The following FAT1 variants were observed in gnomAD, a reference collection of about 807,000 sequenced individuals.
FAT1 encodes protocadherin Fat 1.
FAT1 carries 171 observed loss-of-function variants against 329.8 expected under a neutral mutation model. The ratio of observed to expected loss-of-function variants is 0.52; its 90% CI spans 0.46 to 0.59. The LOEUF is 0.59. FAT1 is among the 20% of genes least tolerant of loss of function. FAT1 has a pLI of 0.00. For missense variants in FAT1, 5,672 were observed against 5,774.4 expected, an observed-to-expected ratio of 0.98 and a Z score of 0.57; for synonymous variants, 2,233 against 2,228.6, an observed-to-expected ratio of 1.00 and a Z score of -0.06.
intron 1 of FAT1, among the ~76,000 whole-genome samples, chr4:186,710,728 C>A (rs534318626): frequency 6.6e-6 from 1 of 152,252 alleles, no homozygotes; most frequent in African/African-American, 2.4e-5. Context: ...TCACCCTGGG[C>A]CCCTCCATGA....
At chr4:186,712,041 T>C (rs534660042) in intron 1 of FAT1, among the ~76,000 whole-genome samples, 1 of 152,356 alleles carries the variant, frequency 6.6e-6, no homozygotes, top group African/African-American at 2.4e-5. Context: ...CAACAAAATA[T>C]TATACCAGGA....
At chr4:186,607,350 A>AATGG (rs1246185359) in intron 16 of FAT1, among the ~76,000 whole-genome samples, 8 of 151,986 alleles carry the variant, frequency 5.3e-5, no homozygotes, top group Non-Finnish European at 1.0e-4. Flanking sequence ...TGGATGGATG[A>AATGG]ATGGATGGAT....
rs1318464121 is a variant in FAT1 at position 186,598,097 on chromosome 4, G to A, written c.12132C>T (p.Tyr4044=). Residue 4044 remains tyrosine (Y), a synonymous_variant, in exon 23 of 27, where the codon TAC becomes TAT. Coordinates refer to ENST00000441802, the MANE Select transcript of FAT1 (RefSeq NM_005245.4). The part of the protein sequence containing the change: ...GGYYCKCSAL[Y]IGTHCEISVN... ...CGCTTATCTCACAGTGGGTCCCTAT[G>A]TACAAGGCACTGCATTTGCAGTAAT... 4 of 1,612,112 alleles carry A rather than the reference G, an allele frequency of 2.5e-6. No individual in the cohort carries two copies. Among genetic ancestry groups the A allele is most frequent in the Non-Finnish European group, 3.4e-6 (4 of 1,179,456 alleles).
chr4:186,649,412 G>GA (rs1741527707), intron 3 of FAT1, among the ~76,000 whole-genome samples: 1 of 152,186 alleles, frequency 6.6e-6, no homozygotes, highest in Non-Finnish European at 1.5e-5. Context: ...TACAACCCTG[G>GA]AAGCTGTGAG....
chr4:186,649,480 C>A (rs1441596647), intron 3 of FAT1, among the ~76,000 whole-genome samples: 2 of 152,070 alleles, frequency 1.3e-5, no homozygotes, highest in Non-Finnish European at 2.9e-5. Context: ...CAAGATGAGA[C>A]CACCTTGGAT....
intron 3 of FAT1, among the ~76,000 whole-genome samples, chr4:186,643,396 ATT>A (rs1199198196): frequency 3.9e-5 from 6 of 152,320 alleles, no homozygotes; most frequent in Middle Eastern, 3.4e-3. Context: ...TTCTTTCTAA[ATT>A]CACAACACTT....
At chr4:186,594,649 A>AGT (rs1473147955) in intron 26 of FAT1, among the ~76,000 whole-genome samples, 2 of 125,574 alleles carry the variant, frequency 1.6e-5, no homozygotes, top group Non-Finnish European at 1.6e-5. Flanking sequence ...TTAGGAATAG[A>AGT]GTGTGTATAT....
At chr4:186,645,290 T>G in intron 3 of FAT1, among the ~76,000 whole-genome samples, 1 of 147,442 alleles carries the variant, frequency 6.8e-6, no homozygotes, top group Non-Finnish European at 1.5e-5. Flanking sequence ...TAAACTAAAT[T>G]ATGACAGCTA....
Position 186,609,712 on chromosome 4 carries a change from G to A in FAT1, c.10068+89C>T, listed in dbSNP as rs1439803026. 14 of 865,870 alleles carry A rather than the reference G, an allele frequency of 1.6e-5. No homozygotes were observed. The Middle Eastern group carries it at 9.0e-4, about 56-fold the overall frequency. 53.6% of individuals were successfully genotyped at this position (865,870 alleles called of 1,614,324 possible). ...AATCTCCAAAATATTTACAAAGGCCGCTACAAAAACTAGATTGATTTTACT... is the reference window on the plus strand; with the variant it reads ...AATCTCCAAAATATTTACAAAGGCCACTACAAAAACTAGATTGATTTTACT... On this transcript the variant is annotated intron_variant, in intron 15 of 26. Coordinates refer to ENST00000441802, the MANE Select transcript of FAT1 (RefSeq NM_005245.4).
intron 1 of FAT1, among the ~76,000 whole-genome samples, chr4:186,720,543 C>T (rs1579511619): frequency 6.6e-6 from 1 of 152,182 alleles, no homozygotes; most frequent in African/African-American, 2.4e-5. Context: ...TTCACACTTC[C>T]CTCAGAACTC....
intron 2 of FAT1, among the ~76,000 whole-genome samples, chr4:186,702,659 T>C (rs1010715394): frequency 2.6e-5 from 4 of 152,234 alleles, no homozygotes; most frequent in Non-Finnish European, 5.9e-5. Flanking sequence ...CAGCATTTCA[T>C]TGGTGCTCAA....
chr4:186,589,739 C>T (rs1738147325), intron 26 of FAT1, among the ~76,000 whole-genome samples: 2 of 152,116 alleles, frequency 1.3e-5, no homozygotes, highest in South Asian at 2.1e-4. Flanking sequence ...ACTATGTTGC[C>T]CAGGCTGGTC....
intron 2 of FAT1, among the ~76,000 whole-genome samples, chr4:186,692,327 T>TTTA (rs1560996407): frequency 1.6e-4 from 16 of 97,224 alleles, no homozygotes; most frequent in East Asian, 4.9e-4. Context: ...TTATTTATTT[T>TTTA]TTTGAGACGG....
intron 3 of FAT1, among the ~76,000 whole-genome samples, chr4:186,642,429 G>A (rs963398868): frequency 2.0e-5 from 3 of 152,228 alleles, no homozygotes; most frequent in East Asian, 1.9e-4. Flanking sequence ...CTATCTCTCC[G>A]TCATCCTCAA....
intron 7 of FAT1, among the ~76,000 whole-genome samples, chr4:186,629,514 G>C (rs1304493403): frequency 6.6e-6 from 1 of 152,182 alleles, no homozygotes; most frequent in Non-Finnish European, 1.5e-5. Context: ...ATAATGAAAA[G>C]ACGTATGGAT....
At chr4:186,706,425 A>C (rs2126681210) in intron 2 of FAT1, 138 bp downstream of exon 2, 1 of 936,638 alleles carries the variant, frequency 1.1e-6, no homozygotes, top group Non-Finnish European at 1.6e-6. Flanking sequence ...GCCGGGCCAA[A>C]AAAAATATTC....
Position 186,600,037 on chromosome 4 carries a change from A to T in FAT1, c.11964T>A (p.Pro3988=), listed in dbSNP as rs2126410929. The change falls in exon 22 of 27, where the codon CCT becomes CCA. Residue 3988 remains proline, a synonymous_variant. Coordinates refer to ENST00000441802, the MANE Select transcript of FAT1 (RefSeq NM_005245.4). ...DSIYLNGQEL[P]LNSKPRSYAH... ...CATAGCTTCTGGGTTTGCTGTTTAA[A>T]GGGAGCTCCTGCCCATTCAAATAAA... is the stretch of plus-strand genomic sequence containing the variant. The T allele has an allele frequency of 1.2e-6, 2 of 1,614,026 alleles. No homozygotes were observed. Among genetic ancestry groups the T allele is most frequent in the Middle Eastern group, 1.6e-4 (1 of 6,062 alleles).
intron 2 of FAT1, among the ~76,000 whole-genome samples, chr4:186,683,590 C>G (rs1466330622): frequency 6.6e-6 from 1 of 152,168 alleles, no homozygotes; most frequent in Non-Finnish European, 1.5e-5. Flanking sequence ...TTCTCCAAAG[C>G]CTTTTTCCTT....
chr4:186,725,458 G>C (rs1217474591), upstream of FAT1, among the ~76,000 whole-genome samples: 2 of 151,836 alleles, frequency 1.3e-5, no homozygotes, highest in African/African-American at 4.8e-5. This position sits in a 1 kb window ranked among gnomAD's most constrained non-coding sequence, Gnocchi z 5.4. Flanking sequence ...TAATTAATAA[G>C]TAATAACGCT....
Sources: gnomAD v4.1 joint callset for allele counts (sites outside exome capture counted in the v4.1 genomes callset) on GRCh38, gnomAD v4.1.1 for gene constraint, Gnocchi (gnomAD v3.1) non-coding constraint, MANE v1.5 for transcripts, NCBI Gene and HGNC (gene_info 2026-07-23, HGNC 2026-07-21) for gene names.